KCNK9: variants seen among roughly 807,000 people sequenced by gnomAD.
KCNK9 encodes the protein potassium two pore domain channel subfamily K member 9.
Under a neutral mutation model 10.8 loss-of-function variants are expected in KCNK9, and 1 was observed. The ratio of observed to expected loss-of-function variants is 0.09; its 90% confidence interval spans 0.03 to 0.44. KCNK9 has a LOEUF of 0.44. Ranked by LOEUF, KCNK9 falls within the 20% of genes least tolerant of loss-of-function variation. The pLI is 0.97. For synonymous variants in KCNK9, 231 were observed against 222.7 expected, an observed-to-expected ratio of 1.04 and a Z score of -0.33; for missense variants, 303 against 515.0, an observed-to-expected ratio of 0.59 and a Z score of 3.98.
chr8:139,670,568 T>C (rs1816403554), intron 1 of KCNK9, among the ~76,000 whole-genome samples: 1 of 152,156 alleles, frequency 6.6e-6, no homozygotes, highest in East Asian at 1.9e-4. Context: ...TATGTGCAAA[T>C]ACCGCACCAT....
chr8:139,617,967 G>A lies in KCNK9; in HGVS notation c.*291C>T. The A allele has an allele frequency of 2.4e-6, 1 of 423,188 alleles. No homozygotes were observed. The highest frequency in any genetic ancestry group is 4.4e-6 in the Non-Finnish European group (1 of 229,618). The allele number at this position is 423,188 out of a possible 1,614,324, so 26.2% of individuals were successfully genotyped here. ...AAACCACTGCAGAGATGATGGGGTG[G>A]GTGGGGTGAGAAATGTAAGGCATAG... On this transcript the variant is annotated 3_prime_UTR_variant, in exon 2 of 2. Transcript: ENST00000520439.
chr8:139,671,001 T>A (rs1816414525), intron 1 of KCNK9, among the ~76,000 whole-genome samples: 1 of 152,156 alleles, frequency 6.6e-6, no homozygotes, highest in Admixed American at 6.5e-5. Context: ...CCCCAAGCCA[T>A]GCGGAGAACC....
At chr8:139,700,192 C>G (rs561865264) in intron 1 of KCNK9, among the ~76,000 whole-genome samples, 1 of 152,214 alleles carries the variant, frequency 6.6e-6, no homozygotes, top group Non-Finnish European at 1.5e-5. Context: ...GATCAGGCTT[C>G]GTCCAAGAGC....
chr8:139,618,852 G>A lies in KCNK9; in HGVS notation c.531C>T (p.Ala177=), dbSNP rs192943243. The A allele has an allele frequency of 1.2e-6, 2 of 1,614,224 alleles. No individual in the cohort carries two copies. The highest frequency in any genetic ancestry group is 1.7e-5 in the Admixed American group (1 of 60,034). Residue 177 remains alanine, a synonymous_variant, in exon 2 of 2, where the codon GCC becomes GCT. Transcript: ENST00000520439. This position sits in a 1 kb window ranked among gnomAD's most constrained non-coding sequence, Gnocchi z 7.9. The part of the protein sequence containing the change: ...CMGTLCIGAA[A]FSQCEEWSFF... ...AGCTCCACTCCTCACACTGGGAGAA[G>A]GCGGCCGCCCCGATGCACAGCGTCC...
intron 1 of KCNK9, among the ~76,000 whole-genome samples, chr8:139,625,422 G>A (rs1814939653): frequency 6.6e-6 from 1 of 152,246 alleles, no homozygotes; most frequent in Non-Finnish European, 1.5e-5. Flanking sequence ...CCCGAGGAGA[G>A]CAGAGCCCAC....
rs1814636541 is a variant in KCNK9 at position 139,617,559 on chromosome 8, T to C, written c.*699A>G. ...AAAAACATTAATATAATTTAGAACCTAGCATTTAGAAAATATGGCCATGAC... is the reference window on the plus strand; with the variant it reads ...AAAAACATTAATATAATTTAGAACCCAGCATTTAGAAAATATGGCCATGAC... On this transcript the variant is annotated 3_prime_UTR_variant, in exon 2 of 2. Transcript: ENST00000520439. Among the ~76,000 whole-genome samples the C allele has an allele frequency of 6.6e-6, 1 of 152,174 alleles. No homozygotes were observed. The highest frequency in any genetic ancestry group is 6.5e-5 in the Admixed American group (1 of 15,274).
intron 1 of KCNK9, among the ~76,000 whole-genome samples, chr8:139,623,801 T>G (rs1814871531): frequency 6.6e-6 from 1 of 152,138 alleles, no homozygotes; most frequent in South Asian, 2.1e-4. Flanking sequence ...GCAATGAGAC[T>G]TCTGAAATGG....
intron 1 of KCNK9, among the ~76,000 whole-genome samples, chr8:139,667,018 C>T (rs544462772): frequency 1.8e-4 from 27 of 152,366 alleles, no homozygotes; most frequent in African/African-American, 6.2e-4. Flanking sequence ...GAGGCCTGCC[C>T]GTCCACCCTG....
intron 1 of KCNK9, among the ~76,000 whole-genome samples, chr8:139,662,506 G>A (rs1816181776): frequency 6.6e-6 from 1 of 152,110 alleles, no homozygotes; most frequent in African/African-American, 2.4e-5. Context: ...CTCAAGTTCT[G>A]TGCCACCACC....
chr8:139,660,154 G>A (rs1472544476), intron 1 of KCNK9, among the ~76,000 whole-genome samples: 5 of 152,048 alleles, frequency 3.3e-5, no homozygotes, highest in Admixed American at 6.6e-5. Context: ...ATTTCAGAAG[G>A]TACACGTTGA....
chr8:139,690,191 G>A (rs73725172), intron 1 of KCNK9, among the ~76,000 whole-genome samples: 2,292 of 152,254 alleles, frequency 0.015, 60 homozygotes, highest in African/African-American at 0.051. Flanking sequence ...CAGACTTCCC[G>A]GGCATAACTC....
At chr8:139,639,115 T>C (rs972272423) in intron 1 of KCNK9, among the ~76,000 whole-genome samples, 3 of 151,958 alleles carry the variant, frequency 2.0e-5, no homozygotes, top group Admixed American at 1.3e-4. Context: ...CTGCAGTCTC[T>C]GCCACCTCTG....
At chr8:139,657,444 C>T (rs1336510004) in intron 1 of KCNK9, among the ~76,000 whole-genome samples, 18 of 152,106 alleles carry the variant, frequency 1.2e-4, no homozygotes, top group African/African-American at 3.4e-4. Flanking sequence ...GAGCAGGAGC[C>T]GGGGAGGACC....
chr8:139,608,358 C>T (rs1814302539), downstream of KCNK9, among the ~76,000 whole-genome samples: 1 of 152,244 alleles, frequency 6.6e-6, no homozygotes, highest in Non-Finnish European at 1.5e-5. Context: ...GCAGCATCTG[C>T]AGAACAGGGG....
intron 1 of KCNK9, among the ~76,000 whole-genome samples, chr8:139,665,683 ACT>A (rs568571269): frequency 1.2e-4 from 19 of 152,256 alleles, no homozygotes; most frequent in East Asian, 1.2e-3. Flanking sequence ...CTGACAGCTA[ACT>A]CTGTAAAATG....
At chr8:139,683,454 G>A (rs1014146371) in intron 1 of KCNK9, among the ~76,000 whole-genome samples, 20 of 152,232 alleles carry the variant, frequency 1.3e-4, no homozygotes, top group Middle Eastern at 3.2e-3. Flanking sequence ...ATCCCCAGAT[G>A]CCAAATGAAG....
At chr8:139,664,029 A>G (rs942653257) in intron 1 of KCNK9, among the ~76,000 whole-genome samples, 155 of 152,286 alleles carry the variant, frequency 1.0e-3, no homozygotes, top group African/African-American at 3.6e-3. Flanking sequence ...CGGCTATCCT[A>G]CAGAGGAGGA....
intron 1 of KCNK9, among the ~76,000 whole-genome samples, chr8:139,642,996 C>T (rs954392674): frequency 3.9e-5 from 6 of 152,174 alleles, no homozygotes; most frequent in African/African-American, 1.4e-4. Flanking sequence ...GGACCCCTCC[C>T]TCCACCGAGG....
At chr8:139,684,049 G>T (rs1816742073) in intron 1 of KCNK9, among the ~76,000 whole-genome samples, 1 of 152,280 alleles carries the variant, frequency 6.6e-6, no homozygotes, top group African/African-American at 2.4e-5. Context: ...GGAAGACAAA[G>T]CCAAAAAGTC....
Sources: allele counts gnomAD v4.1 joint callset (sites outside exome capture counted in the v4.1 genomes callset), GRCh38; gene constraint gnomAD v4.1.1; non-coding constraint Gnocchi (gnomAD v3.1); transcripts MANE v1.5; gene names NCBI Gene and HGNC (gene_info 2026-07-23, HGNC 2026-07-21).